The following RECQL variants were observed in gnomAD, a reference collection of about 807,000 sequenced individuals.
The protein encoded by RECQL is ATP-dependent DNA helicase Q1.
Under a neutral mutation model 75.8 loss-of-function variants are expected in RECQL, and 73 were observed. The ratio of observed to expected loss-of-function variants is 0.96; its 90% CI spans 0.80 to 1.17. RECQL has a LOEUF of 1.17. Among genes scored for constraint, RECQL ranks in the 50% most tolerant of loss-of-function variants. RECQL has a pLI of 0.00. For synonymous variants in RECQL, 248 were observed against 254.4 expected (o/e 0.97, Z 0.24); for missense variants, 699 against 772.1 (o/e 0.91, Z 1.12).
intron 4 of RECQL, 48 bp from the exon 5 acceptor site, chr12:21,486,633 C>CAGAATCAG (rs1943304732): frequency 2.1e-6 from 2 of 969,636 alleles, no homozygotes; most frequent in Non-Finnish European, 3.0e-6. Flanking sequence ...ACACCACCCT[C>CAGAATCAG]AGAATCAGAT....
At chr12:21,495,483 C>T (rs1468155005) in intron 2 of RECQL, among the ~76,000 whole-genome samples, 1 of 151,898 alleles carries the variant, frequency 6.6e-6, no homozygotes, top group Non-Finnish European at 1.5e-5. Flanking sequence ...GTAGTCCTAG[C>T]TACTTGGGAG....
chr12:21,486,657 GTT>G (rs34776962), intron 4 of RECQL, 72 bp from the exon 5 acceptor site: 16 of 172,116 alleles, frequency 9.3e-5, no homozygotes, highest in African/African-American at 6.5e-4. Flanking sequence ...AACCATTCAC[GTT>G]TTTTTTTTTT....
Position 21,470,039 on chromosome 12 carries a change from C to T in RECQL, c.*155G>A. ...ATGATCTCTAATTTTCAAACATTCT[C>T]AAAAGTTTAGATCTTCAGAGATAAG... On this transcript the variant is annotated 3_prime_UTR_variant, in exon 15 of 15. Coordinates refer to ENST00000444129, the MANE Select transcript of RECQL (RefSeq NM_002907.4). 1.3e-6 allele frequency: 1 copy of T among 757,026 alleles called. No individual in the cohort carries two copies. The highest frequency in any genetic ancestry group is 3.1e-5 in the South Asian group (1 of 32,158). The allele number at this position is 757,026 out of a possible 1,614,324, so 46.9% of individuals were successfully genotyped here. A position where few individuals can be genotyped will look rare whatever the true frequency, so the allele number is the denominator to read the frequency against.
chr12:21,481,371 C>A (rs183498557), intron 6 of RECQL, among the ~76,000 whole-genome samples: 13 of 152,140 alleles, frequency 8.5e-5, no homozygotes, highest in Admixed American at 7.8e-4. Flanking sequence ...TAGCAGTTAG[C>A]TAATTAGATA....
chr12:21,490,064 T>A, intron 4 of RECQL, 135 bp downstream of exon 4: 1 of 461,198 alleles, frequency 2.2e-6, no homozygotes, highest in Non-Finnish European at 3.7e-6. Flanking sequence ...TAAATTTCTA[T>A]TAATATAGAA....
chr12:21,499,680 C>T lies in RECQL; in HGVS notation c.-45-65G>A, dbSNP rs1023843854. 23 of 788,056 alleles carry T rather than the reference C, an allele frequency of 2.9e-5. No homozygotes were observed. The South Asian group carries it at 4.0e-4, about 14-fold the overall frequency. 48.8% of individuals were successfully genotyped at this position (788,056 alleles called of 1,614,324 possible). Reference sequence around the variant, plus strand: ...AATAGTACTATTAATGATGTTCACTCAACAGTAATCTGTCATTCCTAAGCA... The same window carrying T: ...AATAGTACTATTAATGATGTTCACTTAACAGTAATCTGTCATTCCTAAGCA... On this transcript the variant is annotated intron_variant, in intron 1 of 14. Transcript: ENST00000444129.
Position 21,491,494 on chromosome 12 carries a change from CAAAAAAAAAAAA to C in RECQL, c.214+13_214+24del. On this transcript the variant is annotated intron_variant, in intron 3 of 14. Transcript: ENST00000444129. ...AAAATATGAGAAGAAATAAAACTAG[CAAAAAAAAAAAA>C]AAAAAAGTTAACCTTCTTTATTCCA... The C allele has an allele frequency of 7.6e-7, 1 of 1,322,966 alleles. No homozygotes were observed. The highest frequency in any genetic ancestry group is 9.8e-7 in the Non-Finnish European group (1 of 1,019,166). 82.0% of individuals were successfully genotyped at this position (1,322,966 alleles called of 1,614,324 possible). A position where few individuals can be genotyped will look rare whatever the true frequency, so the allele number is the denominator to read the frequency against.
intron 5 of RECQL, among the ~76,000 whole-genome samples, chr12:21,485,366 AAGAG>A (rs1943273324): frequency 2.0e-5 from 3 of 151,704 alleles, no homozygotes; most frequent in African/African-American, 7.3e-5. Flanking sequence ...AAAGAAAAGA[AAGAG>A]AGAAAGAAAG....
chr12:21,487,380 G>A (rs11612017), intron 4 of RECQL, among the ~76,000 whole-genome samples: 61,669 of 151,906 alleles, frequency 0.41, 12,830 homozygotes, highest in South Asian at 0.49. Flanking sequence ...CATTTATGCT[G>A]AGTAGAAATC....
intron 11 of RECQL, 90 bp downstream of exon 11, chr12:21,474,751 C>T: frequency 2.4e-6 from 3 of 1,272,234 alleles, no homozygotes; most frequent in Non-Finnish European, 3.4e-6. Flanking sequence ...TGGTGTTCCA[C>T]CAATGTATTT....
At chr12:21,500,369 T>G (rs181092064) in intron 1 of RECQL, among the ~76,000 whole-genome samples, 7 of 152,144 alleles carry the variant, frequency 4.6e-5, no homozygotes, top group Non-Finnish European at 5.9e-5. Flanking sequence ...AAATTCCCCA[T>G]AATCCTAAAA....
Position 21,486,656 on chromosome 12 carries a change from CGTTTTTTTTTTTTTTT to C in RECQL, c.395-87_395-72del, listed in dbSNP as rs1237071253. The stretch of plus-strand genomic sequence containing the variant: ...CTCAGAATCAGATGCAAACCATTCA[CGTTTTTTTTTTTTTTT>C]TTTTTTTTTTTTTTTAGAGATGGAG... On this transcript the variant is annotated intron_variant, in intron 4 of 14. Coordinates refer to ENST00000444129, the MANE Select transcript of RECQL (RefSeq NM_002907.4). 348 of 161,216 alleles carry C rather than the reference CGTTTTTTTTTTTTTTT, an allele frequency of 2.2e-3. 28 individuals carry two copies. Among genetic ancestry groups the C allele is most frequent in the Admixed American group, 4.4e-3 (31 of 7,068 alleles). 10.0% of individuals were successfully genotyped at this position (161,216 alleles called of 1,614,324 possible). A position where few individuals can be genotyped will look rare whatever the true frequency, so the allele number is the denominator to read the frequency against.
chr12:21,490,486 C>G, intron 3 of RECQL, 108 bp from the exon 4 acceptor site: 1 of 651,658 alleles, frequency 1.5e-6, no homozygotes, highest in African/African-American at 1.8e-5. Flanking sequence ...GACCATTAAA[C>G]TTTTATGATA....
At chr12:21,476,870 A>C in intron 8 of RECQL, 41 bp downstream of exon 8, 1 of 1,402,758 alleles carries the variant, frequency 7.1e-7, no homozygotes, top group East Asian at 2.4e-5. Flanking sequence ...CACTTTTTGA[A>C]AGTTATCTCT....
At position 21,474,206 on chromosome 12, in the gene RECQL, C is replaced by T. The variant is rs181833602; in HGVS notation, c.1356-564G>A. On this transcript the variant is annotated intron_variant, in intron 11 of 14. Transcript: ENST00000444129. ...TTAAAATATGCTTCATGAGACTCTA[C>T]TGGCCTTTGGAAGACATTTTCATTT... Among the ~76,000 whole-genome samples the T allele has an allele frequency of 2.6e-5, 4 of 152,146 alleles. No homozygotes were observed. The East Asian group carries it at 5.8e-4, about 22-fold the overall frequency.
At chr12:21,488,265 C>T (rs1338812624) in intron 4 of RECQL, among the ~76,000 whole-genome samples, 1 of 152,216 alleles carries the variant, frequency 6.6e-6, no homozygotes, top group Non-Finnish European at 1.5e-5. Context: ...ACACACCCTT[C>T]CCTAGCCTTC....
Position 21,484,500 on chromosome 12 carries a change from C to A in RECQL, c.502-926G>T, listed in dbSNP as rs559844256. The stretch of plus-strand genomic sequence containing the variant: ...AGATTGATTTTGTTGGAGGAAGGAG[C>A]AGTTATAATAGAATGACATGGAGTT... On this transcript the variant is annotated intron_variant, in intron 5 of 14. Coordinates refer to ENST00000444129, the MANE Select transcript of RECQL (RefSeq NM_002907.4). 1.1e-4 allele frequency among the ~76,000 whole-genome samples: 16 copies of A among 152,068 alleles called. No homozygotes were observed. The East Asian group carries it at 3.1e-3, about 29-fold the overall frequency.
At chr12:21,494,806 C>T (rs1273863153) in intron 2 of RECQL, among the ~76,000 whole-genome samples, 1 of 152,174 alleles carries the variant, frequency 6.6e-6, no homozygotes, top group East Asian at 1.9e-4. Flanking sequence ...TGCTGGGGCT[C>T]CCCTGGCTGT....
At chr12:21,489,846 C>T (rs1286210632) in intron 4 of RECQL, among the ~76,000 whole-genome samples, 1 of 152,120 alleles carries the variant, frequency 6.6e-6, no homozygotes, top group Non-Finnish European at 1.5e-5. Context: ...AAGGATTAAT[C>T]TCAGAAGTTT....
Sources: allele counts gnomAD v4.1 joint callset (sites outside exome capture counted in the v4.1 genomes callset), GRCh38; gene constraint gnomAD v4.1.1; transcripts MANE v1.5; gene names NCBI Gene and HGNC (gene_info 2026-07-23, HGNC 2026-07-21).